Variants in TBC1D12 observed in about 807,000 individuals in gnomAD.
The protein encoded by TBC1D12 is TBC1 domain family, member 12.
In TBC1D12, 56 loss-of-function variants were observed where a neutral mutation model predicts 86.7. That is an observed-to-expected ratio of 0.65 (90% CI 0.52 to 0.81). The LOEUF is 0.81. Among genes scored for constraint, TBC1D12 ranks in the 30% least tolerant of loss-of-function variants. The pLI is 0.00. For missense variants in TBC1D12, 1,023 were observed against 1,038.8 expected, an observed-to-expected ratio of 0.98 and a Z score of 0.21; for synonymous variants, 421 against 411.7, an observed-to-expected ratio of 1.02 and a Z score of -0.27.
intron 3 of TBC1D12, among the ~76,000 whole-genome samples, chr10:94,488,083 T>A (rs2056194699): frequency 6.6e-6 from 1 of 152,034 alleles, no homozygotes; most frequent in Non-Finnish European, 1.5e-5. Context: ...GTTCATCTTT[T>A]AATCTTTCTA....
intron 5 of TBC1D12, 79 bp downstream of exon 5, chr10:94,497,251 T>A: frequency 1.3e-6 from 1 of 771,694 alleles, no homozygotes; most frequent in Non-Finnish European, 1.9e-6. Flanking sequence ...AATTTATTAT[T>A]ATTATACTTT....
intron 2 of TBC1D12, among the ~76,000 whole-genome samples, chr10:94,451,812 A>C (rs1447114310): frequency 6.6e-6 from 1 of 152,052 alleles, no homozygotes; most frequent in Non-Finnish European, 1.5e-5. Context: ...TTGAAGGCTA[A>C]CATGATGTCA....
intron 2 of TBC1D12, among the ~76,000 whole-genome samples, chr10:94,443,053 G>A (rs2055404206): frequency 6.6e-6 from 1 of 152,046 alleles, no homozygotes; most frequent in Non-Finnish European, 1.5e-5. Context: ...TTTGTAGTTG[G>A]TCCTAACCCT....
chr10:94,474,803 T>A lies in TBC1D12; in HGVS notation c.1211+20T>A. On this transcript the variant is annotated intron_variant, in intron 3 of 12. Coordinates refer to ENST00000225235, the MANE Select transcript of TBC1D12 (RefSeq NM_015188.2). ...ACCATCGTAAGTATTTTAGTGATAA[T>A]CAGTGACATTGTTTATATTTTAAAG... 1 of 1,567,764 alleles carries A rather than the reference T, an allele frequency of 6.4e-7. No homozygotes were observed. Among genetic ancestry groups the A allele is most frequent in the Non-Finnish European group, 8.8e-7 (1 of 1,139,398 alleles).
intron 1 of TBC1D12, among the ~76,000 whole-genome samples, chr10:94,405,812 A>AT (rs34165101): frequency 0.016 from 2,251 of 144,064 alleles, 35 homozygotes; most frequent in African/African-American, 0.043. Flanking sequence ...ATTTCTGAAC[A>AT]TTTTTTTTTT....
chr10:94,492,572 G>A (rs898670618), intron 3 of TBC1D12, among the ~76,000 whole-genome samples: 5 of 152,092 alleles, frequency 3.3e-5, no homozygotes, highest in Non-Finnish European at 7.4e-5. Flanking sequence ...CAATTAAAAG[G>A]AATACATTAC....
chr10:94,467,479 G>A (rs754730829), intron 2 of TBC1D12, among the ~76,000 whole-genome samples: 19 of 152,258 alleles, frequency 1.2e-4, no homozygotes, highest in African/African-American at 3.4e-4. Context: ...TGAGCCGCCC[G>A]CCTTGGCCTC....
At chr10:94,499,464 A>G (rs537439268) in intron 5 of TBC1D12, among the ~76,000 whole-genome samples, 1 of 152,162 alleles carries the variant, frequency 6.6e-6, no homozygotes, top group Non-Finnish European at 1.5e-5. Flanking sequence ...CTACAGGTTC[A>G]TCTGTGTTGT....
At chr10:94,484,531 C>A (rs1441326635) in intron 3 of TBC1D12, among the ~76,000 whole-genome samples, 1 of 152,112 alleles carries the variant, frequency 6.6e-6, no homozygotes, top group African/African-American at 2.4e-5. Context: ...TGAGCCACCA[C>A]GCCTGGCCAG....
At chr10:94,527,949 A>G (rs1378992676) in intron 11 of TBC1D12, among the ~76,000 whole-genome samples, 1 of 151,786 alleles carries the variant, frequency 6.6e-6, no homozygotes, top group African/African-American at 2.4e-5. Context: ...TTTTTATGCC[A>G]GTACTATTCT....
rs762967833 is a variant in TBC1D12, at chr10:94,441,918, A to G, written c.994A>G (p.Lys332Glu). ...CAGAAACCTTTTTCCAAAAAGGACAAAGGAACTCAAATCAGTTGTCCATAG... is the reference window on the plus strand; with the variant it reads ...CAGAAACCTTTTTCCAAAAAGGACAGAGGAACTCAAATCAGTTGTCCATAG... ...FTRNLFPKRTKELKSVVHSAP... is the reference protein window; with the variant it reads ...FTRNLFPKRTEELKSVVHSAP... The change falls in exon 2 of 13, where the codon AAG (lysine) becomes GAG (glutamate). Residue 332 changes from lysine (K) to glutamate (E), a missense_variant. Around this residue, in one of 2 missense-constraint regions of TBC1D12, gnomAD observed 628 missense variants for 531.1 expected, o/e 1.18. Transcript: ENST00000225235. 3 of 1,613,040 alleles carry G rather than the reference A, an allele frequency of 1.9e-6. No individual in the cohort carries two copies. The highest frequency in any genetic ancestry group is 1.7e-4 in the Middle Eastern group (1 of 6,054).
chr10:94,467,258 G>C (rs1392468497), intron 2 of TBC1D12, among the ~76,000 whole-genome samples: 1 of 152,088 alleles, frequency 6.6e-6, no homozygotes, highest in East Asian at 1.9e-4. Flanking sequence ...TTAAGACAGA[G>C]TTTCGCTGTT....
At chr10:94,517,340 T>A (rs1842024812) in intron 9 of TBC1D12, among the ~76,000 whole-genome samples, 3 of 152,158 alleles carry the variant, frequency 2.0e-5, no homozygotes. Flanking sequence ...GTTGTGCCAC[T>A]GCACTCCAGC....
At chr10:94,421,937 C>T (rs1179632348) in intron 1 of TBC1D12, among the ~76,000 whole-genome samples, 1 of 152,182 alleles carries the variant, frequency 6.6e-6, no homozygotes, top group Non-Finnish European at 1.5e-5. Flanking sequence ...AGACCCTTAT[C>T]AGATAAATGA....
chr10:94,506,206 T>G (rs1046951732), intron 6 of TBC1D12, among the ~76,000 whole-genome samples: 3 of 151,934 alleles, frequency 2.0e-5, no homozygotes, highest in African/African-American at 7.3e-5. Flanking sequence ...CCAGCTAAAT[T>G]TTTTGTATTT....
intron 3 of TBC1D12, among the ~76,000 whole-genome samples, chr10:94,486,136 CTTCTT>C (rs1186114872): frequency 2.0e-4 from 24 of 120,874 alleles, no homozygotes; most frequent in African/African-American, 7.2e-4. Flanking sequence ...TCTTCTTCTT[CTTCTT>C]TTTTTTTTTT....
At chr10:94,514,907 C>CTTTTTT (rs1168629833) in intron 9 of TBC1D12, among the ~76,000 whole-genome samples, 13 of 127,342 alleles carry the variant, frequency 1.0e-4, no homozygotes, top group South Asian at 2.6e-4. Flanking sequence ...TTTTTTTTTT[C>CTTTTTT]TTTTTTTTTT....
At chr10:94,518,731 G>A (rs1460052651) in intron 9 of TBC1D12, among the ~76,000 whole-genome samples, 1 of 152,148 alleles carries the variant, frequency 6.6e-6, no homozygotes, top group Non-Finnish European at 1.5e-5. Context: ...ATATGCACAA[G>A]AGTGATATAT....
At chr10:94,447,828 A>G (rs1010894224) in intron 2 of TBC1D12, among the ~76,000 whole-genome samples, 1 of 150,118 alleles carries the variant, frequency 6.7e-6, no homozygotes, top group African/African-American at 2.5e-5. Flanking sequence ...GCAAGTGAGA[A>G]TGATTTCAAA....
Sources: allele counts gnomAD v4.1 joint callset (sites outside exome capture counted in the v4.1 genomes callset), GRCh38; gene constraint gnomAD v4.1.1; regional missense constraint gnomAD v4.1.1; transcripts MANE v1.5; gene names NCBI Gene and HGNC (gene_info 2026-07-23, HGNC 2026-07-21).